Variants in UNC13C observed in about 807,000 individuals in gnomAD.
The protein encoded by UNC13C is protein unc-13 homolog C.
Under a neutral mutation model 245.4 loss-of-function variants are expected in UNC13C, and 174 were observed. The ratio of observed to expected loss-of-function variants is 0.71; its 90% CI spans 0.63 to 0.80. The LOEUF (loss-of-function observed/expected upper bound fraction) is 0.80. UNC13C is among the 30% of genes least tolerant of loss of function. The probability of loss-of-function intolerance (pLI) is 0.00; values close to 1 mark genes in which losing one functional copy is unlikely to be tolerated. For missense variants in UNC13C, 2,829 were observed against 2,602.9 expected (o/e 1.09, Z -1.89); for synonymous variants, 992 against 895.1 (o/e 1.11, Z -1.93).
At chr15:54,220,460 G>T (rs901393487) in intron 4 of UNC13C, among the ~76,000 whole-genome samples, 910 of 119,328 alleles carry the variant, frequency 7.6e-3, no homozygotes, top group South Asian at 9.3e-3. Flanking sequence ...GTAGGGGGAG[G>T]GGGGAGGGAT....
intron 19 of UNC13C, among the ~76,000 whole-genome samples, chr15:54,480,273 T>G (rs1173796880): frequency 6.6e-6 from 1 of 151,570 alleles, no homozygotes; most frequent in Admixed American, 6.6e-5. Flanking sequence ...TATTTATTAT[T>G]TAAGCTATTA....
intron 28 of UNC13C, among the ~76,000 whole-genome samples, chr15:54,553,113 T>C (rs1215478646): frequency 2.0e-5 from 2 of 99,446 alleles, no homozygotes; most frequent in African/African-American, 8.0e-5. Context: ...TATTGTATTC[T>C]ATATTACAAT....
the UNC13C span, among the ~76,000 whole-genome samples, chr15:53,959,560 A>G: frequency 3.0e-4 from 45 of 152,014 alleles, no homozygotes; most frequent in African/African-American, 1.1e-3. Flanking sequence ...TTGATTTTTC[A>G]CCCATACCTA....
At chr15:54,028,705 T>TTTG (rs1555405205) in intron 2 of UNC13C, among the ~76,000 whole-genome samples, 5 of 147,476 alleles carry the variant, frequency 3.4e-5, no homozygotes, top group African/African-American at 1.0e-4. Flanking sequence ...TTTTTTTTTT[T>TTTG]GAGACGGAGT....
chr15:54,414,937 C>T, intron 18 of UNC13C, 45 bp from the exon 19 acceptor site: 1 of 1,485,508 alleles, frequency 6.7e-7, no homozygotes, highest in East Asian at 2.3e-5. Flanking sequence ...GGTTTTTAGG[C>T]ATGCTTTTCT....
At chr15:54,546,381 A>G (rs1195285244) in intron 26 of UNC13C, among the ~76,000 whole-genome samples, 1 of 151,998 alleles carries the variant, frequency 6.6e-6, no homozygotes, top group Admixed American at 6.6e-5. Flanking sequence ...TGTCGGCTTG[A>G]TGGGTGCATC....
chr15:54,452,057 C>T (rs1400911301), intron 19 of UNC13C, among the ~76,000 whole-genome samples: 1 of 152,184 alleles, frequency 6.6e-6, no homozygotes, highest in Non-Finnish European at 1.5e-5. Flanking sequence ...TCTGTGATTT[C>T]CTCAGTGACT....
intron 1 of UNC13C, among the ~76,000 whole-genome samples, chr15:53,987,450 T>C (rs1894192174): frequency 6.6e-6 from 1 of 152,008 alleles, no homozygotes; most frequent in Non-Finnish European, 1.5e-5. Context: ...AATCCATCAC[T>C]TCCTCCAGAA....
chr15:54,025,516 G>T (rs1595731764), intron 2 of UNC13C, among the ~76,000 whole-genome samples: 1 of 152,176 alleles, frequency 6.6e-6, no homozygotes, highest in Admixed American at 6.5e-5. Context: ...TATCTAAGAG[G>T]AGGGGGAAGA....
At chr15:54,521,180 C>T (rs1207750957) in intron 24 of UNC13C, among the ~76,000 whole-genome samples, 1 of 152,002 alleles carries the variant, frequency 6.6e-6, no homozygotes, top group East Asian at 1.9e-4. Context: ...TGTTTTAATG[C>T]AAAAATATTG....
At chr15:54,231,462 C>G (rs552851636) in intron 4 of UNC13C, among the ~76,000 whole-genome samples, 29 of 151,550 alleles carry the variant, frequency 1.9e-4, no homozygotes, top group African/African-American at 6.3e-4. Flanking sequence ...CATTTCAGAT[C>G]TTAATAATGA....
At chr15:54,199,830 G>A (rs965126298) in intron 4 of UNC13C, among the ~76,000 whole-genome samples, 1 of 152,198 alleles carries the variant, frequency 6.6e-6, no homozygotes, top group African/African-American at 2.4e-5. Context: ...GAATAGAATA[G>A]TATCACACAT....
downstream of UNC13C, chr15:54,629,046 T>A (rs980285201): frequency 1.4e-4 from 22 of 152,182 alleles, no homozygotes; most frequent in African/African-American, 4.8e-4. Flanking sequence ...TAAATGCCCA[T>A]CAACAGTAGA....
chr15:54,470,545 T>C lies in UNC13C; in HGVS notation c.4934-24063T>C, dbSNP rs1316371780. 2.0e-5 allele frequency among the ~76,000 whole-genome samples: 3 copies of C among 151,684 alleles called. No homozygotes were observed. In the East Asian group the frequency reaches 5.8e-4, roughly 29 times the overall value. ...TTAGTTTGCATATAGTTGTTCACAG[T>C]ACTTTCTTATGATCCTTTGTACTTT... On this transcript the variant is annotated intron_variant, in intron 19 of 32. Transcript: ENST00000260323.
At chr15:54,165,293 A>G (rs2033124433) in intron 4 of UNC13C, among the ~76,000 whole-genome samples, 1 of 152,198 alleles carries the variant, frequency 6.6e-6, no homozygotes, top group South Asian at 2.1e-4. Context: ...GTTAATAATA[A>G]ATCATTACTA....
intron 17 of UNC13C, among the ~76,000 whole-genome samples, chr15:54,341,801 C>T (rs1016321004): frequency 1.2e-4 from 18 of 151,804 alleles, no homozygotes; most frequent in African/African-American, 3.9e-4. Context: ...ACAATGAAAC[C>T]CCGTCTCTGC....
intron 29 of UNC13C, among the ~76,000 whole-genome samples, chr15:54,558,588 C>A (rs893434450): frequency 6.6e-6 from 1 of 151,982 alleles, no homozygotes; most frequent in Non-Finnish European, 1.5e-5. Flanking sequence ...AAAATATTAA[C>A]TTTTCTAAAT....
At chr15:54,021,175 T>C (rs1895889266) in intron 2 of UNC13C, among the ~76,000 whole-genome samples, 1 of 150,420 alleles carries the variant, frequency 6.6e-6, no homozygotes, top group South Asian at 2.1e-4. Context: ...CCTTACATAT[T>C]TTTTTTTTAG....
rs564681557 is a variant in UNC13C at position 54,089,375 on chromosome 15, C to T, written c.2984-53643C>T. On this transcript the variant is annotated intron_variant, in intron 2 of 32. Transcript: ENST00000260323. Reference sequence around the variant, plus strand: ...ATGAGGAGGACTTGGGAGACTTAATCGGGGTTTCCTGGGTTTGCGCTTGAG... The same window carrying T: ...ATGAGGAGGACTTGGGAGACTTAATTGGGGTTTCCTGGGTTTGCGCTTGAG... Among the ~76,000 whole-genome samples the T allele has an allele frequency of 3.9e-5, 6 of 152,246 alleles. No homozygotes were observed. The South Asian group carries it at 8.3e-4, about 21-fold the overall frequency.
Sources: allele counts gnomAD v4.1 joint callset (sites outside exome capture counted in the v4.1 genomes callset), GRCh38; gene constraint gnomAD v4.1.1; transcripts MANE v1.5; gene names NCBI Gene and HGNC (gene_info 2026-07-23, HGNC 2026-07-21).